ZFAND6: variants seen among roughly 807,000 people sequenced by gnomAD.
The protein encoded by ZFAND6 is AN1-type zinc finger protein 6.
ZFAND6 carries 12 observed loss-of-function variants against 24.5 expected under a neutral mutation model. The observed-to-expected ratio is 0.49, with a 90% CI of 0.31 to 0.79. The LOEUF is 0.79. Ranked by LOEUF, ZFAND6 falls within the 30% of genes least tolerant of loss-of-function variation. The pLI is 0.04. For missense variants in ZFAND6, 207 were observed against 245.9 expected (o/e 0.84, Z 1.06); for synonymous variants, 92 against 81.5 (o/e 1.13, Z -0.69).
intron 2 of ZFAND6, among the ~76,000 whole-genome samples, chr15:80,119,504 C>T (rs950961619): frequency 6.6e-6 from 1 of 151,694 alleles, no homozygotes; most frequent in African/African-American, 2.4e-5. Flanking sequence ...CATTTATTAT[C>T]GGTATTTCCC....
intron 2 of ZFAND6, among the ~76,000 whole-genome samples, chr15:80,109,945 A>T (rs1274417987): frequency 6.6e-6 from 1 of 152,198 alleles, no homozygotes; most frequent in Non-Finnish European, 1.5e-5. Flanking sequence ...TGCAGTTCAC[A>T]TGTCAGCTAA....
chr15:80,127,341 A>G (rs1567097100), intron 5 of ZFAND6, among the ~76,000 whole-genome samples: 1 of 151,958 alleles, frequency 6.6e-6, no homozygotes, highest in Non-Finnish European at 1.5e-5. Context: ...TAATCCCAGC[A>G]CTTTGGGAGG....
At chr15:80,095,681 A>G (rs1431974340) in intron 1 of ZFAND6, among the ~76,000 whole-genome samples, 2 of 152,198 alleles carry the variant, frequency 1.3e-5, no homozygotes, top group Non-Finnish European at 2.9e-5. Context: ...ATTCTTTAGC[A>G]TTATAAAGTG....
At chr15:80,089,894 G>A (rs753990509) in intron 1 of ZFAND6, among the ~76,000 whole-genome samples, 10 of 152,122 alleles carry the variant, frequency 6.6e-5, no homozygotes, top group Non-Finnish European at 1.3e-4. Context: ...ACTCTTGAGT[G>A]CACTATGTAG....
chr15:80,063,508 C>G (rs2036444715), intron 1 of ZFAND6, among the ~76,000 whole-genome samples: 1 of 151,950 alleles, frequency 6.6e-6, no homozygotes, highest in African/African-American at 2.4e-5. Flanking sequence ...TCTTGTTCCT[C>G]AGCCTCCCGA....
intron 1 of ZFAND6, among the ~76,000 whole-genome samples, chr15:80,068,608 G>A (rs536243585): frequency 6.6e-6 from 1 of 152,320 alleles, no homozygotes; most frequent in East Asian, 1.9e-4. Context: ...CTGACCTCAG[G>A]TGATCCGCCC....
At chr15:80,086,501 C>T (rs2038014717) in intron 1 of ZFAND6, among the ~76,000 whole-genome samples, 1 of 152,190 alleles carries the variant, frequency 6.6e-6, no homozygotes, top group African/African-American at 2.4e-5. Flanking sequence ...AATTTGTAAA[C>T]AATCCCCTTT....
chr15:80,083,108 C>T (rs1271515613), intron 1 of ZFAND6, among the ~76,000 whole-genome samples: 1 of 152,194 alleles, frequency 6.6e-6, no homozygotes, highest in African/African-American at 2.4e-5. Context: ...TCTCCTGCCT[C>T]AGCCTCCCGA....
chr15:80,070,989 A>G (rs2036943596), intron 1 of ZFAND6, among the ~76,000 whole-genome samples: 2 of 152,234 alleles, frequency 1.3e-5, no homozygotes, highest in Non-Finnish European at 2.9e-5. Context: ...AGTGCTGGGC[A>G]TTCAAAACAG....
At chr15:80,127,749 G>A (rs188094021) in intron 5 of ZFAND6, among the ~76,000 whole-genome samples, 46 of 152,236 alleles carry the variant, frequency 3.0e-4, no homozygotes, top group South Asian at 8.3e-4. Flanking sequence ...GCCTTGGTGG[G>A]AGTGTAATAT....
intron 1 of ZFAND6, among the ~76,000 whole-genome samples, chr15:80,066,746 A>G (rs1190877861): frequency 6.6e-6 from 1 of 151,596 alleles, no homozygotes; most frequent in Non-Finnish European, 1.5e-5. Flanking sequence ...AAAATACCAA[A>G]ATTAGCTGGG....
At chr15:80,099,484 A>C (rs1343178978) in intron 2 of ZFAND6, among the ~76,000 whole-genome samples, 1 of 152,226 alleles carries the variant, frequency 6.6e-6, no homozygotes, top group East Asian at 1.9e-4. Context: ...CAGTGTATGC[A>C]CTAAAATGAA....
intron 2 of ZFAND6, among the ~76,000 whole-genome samples, chr15:80,118,492 A>G (rs949115072): frequency 2.6e-5 from 4 of 152,200 alleles, no homozygotes; most frequent in African/African-American, 4.8e-5. Context: ...AAAAAAGGGG[A>G]AAAACCCCAA....
At chr15:80,101,944 C>T (rs1203447145) in intron 2 of ZFAND6, among the ~76,000 whole-genome samples, 4 of 151,694 alleles carry the variant, frequency 2.6e-5, no homozygotes, top group African/African-American at 9.7e-5. Flanking sequence ...AGGCTCCTGC[C>T]ACCACGCCTG....
At chr15:80,121,554 C>T (rs894708003) in intron 3 of ZFAND6, among the ~76,000 whole-genome samples, 158 bp from the exon 4 acceptor site, 3 of 151,946 alleles carry the variant, frequency 2.0e-5, no homozygotes, top group South Asian at 2.1e-4. Flanking sequence ...ACTGGCAAAC[C>T]GTTGAAAAAT....
In ZFAND6 at chr15:80,104,536, AATCCATCCATCC is replaced by A. The variant is rs200615757; in HGVS notation, c.-18+5975_-18+5986del. ...CCTGTCTCAAATCAGTCAGTCAGTC[AATCCATCCATCC>A]ATCCATCCATCCATCCCAGAAACTT... On this transcript the variant is annotated intron_variant, in intron 2 of 6. Transcript: ENST00000261749. Among the ~76,000 whole-genome samples, 9 of 146,642 alleles carry A rather than the reference AATCCATCCATCC, an allele frequency of 6.1e-5. No individual in the cohort carries two copies. In the South Asian group the frequency reaches 1.8e-3, roughly 29 times the overall value.
rs556074188 is a variant in ZFAND6 at position 80,117,614 on chromosome 15, C to CA, written c.-17-2711dup. On this transcript the variant is annotated intron_variant, in intron 2 of 6. Transcript: ENST00000261749. ...AAGGCAGTTCAGTCAGCTCACAACT[C>CA]AAACAATTGCACAGTGCTTTTTCTT... Among the ~76,000 whole-genome samples the CA allele has an allele frequency of 5.0e-4, 76 of 152,304 alleles. 1 individual carries two copies. The highest frequency in any genetic ancestry group is 3.4e-3 in the Middle Eastern group (1 of 294).
intron 1 of ZFAND6, among the ~76,000 whole-genome samples, chr15:80,073,959 T>C (rs1016883812): frequency 1.3e-5 from 2 of 151,948 alleles, no homozygotes; most frequent in Admixed American, 1.3e-4. Context: ...AAGATTTCTT[T>C]TGGAAAAATC....
intron 1 of ZFAND6, among the ~76,000 whole-genome samples, chr15:80,079,050 C>A (rs931850615): frequency 2.0e-5 from 3 of 151,522 alleles, no homozygotes; most frequent in Non-Finnish European, 4.4e-5. Flanking sequence ...CCCGCCACCC[C>A]ACAACAGTCC....
Sources: allele counts gnomAD v4.1 joint callset (sites outside exome capture counted in the v4.1 genomes callset), GRCh38; gene constraint gnomAD v4.1.1; transcripts MANE v1.5; gene names NCBI Gene and HGNC (gene_info 2026-07-23, HGNC 2026-07-21).